MAN1C1: variants seen among roughly 807,000 people sequenced by gnomAD.
MAN1C1 encodes the protein mannosidase alpha class 1C member 1.
A neutral mutation model predicts 71.5 loss-of-function variants in MAN1C1; 49 were observed. The observed-to-expected ratio is 0.69, with a 90% CI of 0.54 to 0.87. The LOEUF is 0.87. Among genes scored for constraint, MAN1C1 ranks in the 40% least tolerant of loss-of-function variants. The pLI, the probability that MAN1C1 is intolerant of heterozygous loss-of-function variation, is 0.00. For synonymous variants in MAN1C1, 352 were observed against 343.7 expected, an observed-to-expected ratio of 1.02 and a Z score of -0.27; for missense variants, 743 against 835.0, an observed-to-expected ratio of 0.89 and a Z score of 1.36.
rs925376244 is a variant in MAN1C1, at chr1:25,689,842, G to A, written c.637+3306G>A. 9.8e-5 allele frequency among the ~76,000 whole-genome samples: 15 copies of A among 152,314 alleles called. No homozygotes were observed. In the South Asian group the frequency reaches 2.3e-3, roughly 23 times the overall value. On this transcript the variant is annotated intron_variant, in intron 2 of 11. Coordinates refer to ENST00000374332, the MANE Select transcript of MAN1C1 (RefSeq NM_020379.4). ...GGTATACGAGGAGACCCTGAGCAGC[G>A]CCCCGCCTCCTGGTGCTCGGCTTGG...
intron 1 of MAN1C1, chr1:25,646,545 G>C (rs1392520590): frequency 6.6e-6 from 1 of 152,186 alleles, no homozygotes; most frequent in African/African-American, 2.4e-5. Flanking sequence ...CCACTGCCTA[G>C]TTTCACAACT....
chr1:25,715,871 T>C (rs1183267033), intron 2 of MAN1C1, among the ~76,000 whole-genome samples: 1 of 152,222 alleles, frequency 6.6e-6, no homozygotes, highest in East Asian at 1.9e-4. Flanking sequence ...ATAGTTTATT[T>C]CTTTTTCATT....
At chr1:25,771,841 G>GC in intron 8 of MAN1C1, 69 bp downstream of exon 8, 5 of 1,296,854 alleles carry the variant, frequency 3.9e-6, no homozygotes, top group Non-Finnish European at 5.6e-6. Flanking sequence ...GGCCGAGCGA[G>GC]GGTGCTGCGG....
rs948293678 is a variant in MAN1C1, at chr1:25,771,635, C to T, written c.1142-22C>T. 10 of 1,579,242 alleles carry T rather than the reference C, an allele frequency of 6.3e-6. No individual in the cohort carries two copies. In the African/African-American group the frequency reaches 8.1e-5, roughly 13 times the overall value. On this transcript the variant is annotated intron_variant, in intron 7 of 11. Coordinates refer to ENST00000374332, the MANE Select transcript of MAN1C1 (RefSeq NM_020379.4). The stretch of plus-strand genomic sequence containing the variant: ...GCCGGCGGCAGATGGAGATAATGTT[C>T]TTGTCCTCTTTCCCTTCACAGACCA...
At position 25,651,155 on chromosome 1, in the gene MAN1C1, C is replaced by T. The variant is rs117913641; in HGVS notation, c.540+32818C>T. Among the ~76,000 whole-genome samples the T allele has an allele frequency of 3.9e-5, 6 of 152,306 alleles. No individual in the cohort carries two copies. In the East Asian group the frequency reaches 1.2e-3, roughly 29 times the overall value. Reference sequence around the variant, plus strand: ...ATCAGCAGATCCTGAGGACCCGGGACGGCTACTGCAATTCTAGAGCACCAG... The same window carrying T: ...ATCAGCAGATCCTGAGGACCCGGGATGGCTACTGCAATTCTAGAGCACCAG... On this transcript the variant is annotated intron_variant, in intron 1 of 11. Coordinates refer to ENST00000374332, the MANE Select transcript of MAN1C1 (RefSeq NM_020379.4).
At chr1:25,696,667 G>T (rs1028737249) in intron 2 of MAN1C1, among the ~76,000 whole-genome samples, 1 of 151,844 alleles carries the variant, frequency 6.6e-6, no homozygotes, top group African/African-American at 2.4e-5. Flanking sequence ...TTTAAATATA[G>T]ACAGGGTCTA....
intron 1 of MAN1C1, among the ~76,000 whole-genome samples, chr1:25,629,996 G>A (rs184559065): frequency 1.6e-3 from 248 of 152,064 alleles, no homozygotes; most frequent in African/African-American, 5.1e-3. Context: ...TTTTTCTGAT[G>A]TTATCTTTAG....
At chr1:25,663,763 A>C (rs1006905175) in intron 1 of MAN1C1, among the ~76,000 whole-genome samples, 1 of 152,128 alleles carries the variant, frequency 6.6e-6, no homozygotes, top group Non-Finnish European at 1.5e-5. Context: ...CGCGAGGGAG[A>C]GGGCCACTTG....
chr1:25,652,850 G>A (rs1182001699), intron 1 of MAN1C1, among the ~76,000 whole-genome samples: 1 of 152,190 alleles, frequency 6.6e-6, no homozygotes, highest in Admixed American at 6.5e-5. Flanking sequence ...CAACCTCCCA[G>A]GCTCAAGCGA....
intron 1 of MAN1C1, among the ~76,000 whole-genome samples, chr1:25,681,720 C>T (rs1010845197): frequency 6.6e-6 from 1 of 152,140 alleles, no homozygotes; most frequent in Admixed American, 6.5e-5. Context: ...CCAAACTGTT[C>T]TCCAAAGTGG....
chr1:25,689,794 A>G (rs2046281996), intron 2 of MAN1C1, among the ~76,000 whole-genome samples: 1 of 152,188 alleles, frequency 6.6e-6, no homozygotes, highest in Admixed American at 6.5e-5. Flanking sequence ...GGTTGTGCCC[A>G]TTCTGCTGTG....
chr1:25,628,413 T>C (rs1160277316), intron 1 of MAN1C1, among the ~76,000 whole-genome samples: 3 of 152,196 alleles, frequency 2.0e-5, no homozygotes, highest in African/African-American at 7.2e-5. Flanking sequence ...GTTCAAGCAA[T>C]TCTCCTGCCT....
At chr1:25,651,124 C>A (rs559069029) in intron 1 of MAN1C1, among the ~76,000 whole-genome samples, 11 of 152,284 alleles carry the variant, frequency 7.2e-5, no homozygotes, top group African/African-American at 2.6e-4. Flanking sequence ...AACAGGTGTT[C>A]TGGAAATCAG....
intron 9 of MAN1C1, chr1:25,780,637 G>A (rs1243888687): frequency 3.5e-6 from 1 of 285,230 alleles, no homozygotes. Flanking sequence ...GTACACAGTT[G>A]TGGAACCCCG....
chr1:25,783,809 C>G lies in MAN1C1; in HGVS notation c.*20C>G. 6.2e-7 allele frequency: 1 copy of G among 1,604,866 alleles called. No homozygotes were observed. Among genetic ancestry groups the G allele is most frequent in the South Asian group, 1.1e-5 (1 of 91,012 alleles). ...CACTGACCCCATCTCCTGCCGCCGC[C>G]CTGGGGCCGCCGCAGGGATGCCTTG... On this transcript the variant is annotated 3_prime_UTR_variant, in exon 12 of 12. Coordinates refer to ENST00000374332, the MANE Select transcript of MAN1C1 (RefSeq NM_020379.4).
intron 2 of MAN1C1, among the ~76,000 whole-genome samples, 172 bp downstream of exon 2, chr1:25,686,708 C>T (rs191707663): frequency 7.9e-4 from 121 of 152,276 alleles, no homozygotes; most frequent in Non-Finnish European, 9.8e-4. Context: ...CTTCTGAGTC[C>T]TCCTAGATTT....
At chr1:25,722,123 G>A (rs1277758109) in intron 2 of MAN1C1, among the ~76,000 whole-genome samples, 4 of 152,164 alleles carry the variant, frequency 2.6e-5, no homozygotes, top group African/African-American at 7.2e-5. Context: ...TCTAGCTTCC[G>A]ACATTCCGGA....
At position 25,780,990 on chromosome 1, in the gene MAN1C1, G is replaced by A. The variant is rs141849223; in HGVS notation, c.1528G>A (p.Val510Met). The stretch of plus-strand genomic sequence containing the variant: ...CTGGTTTAACTCCGGCAGAGAGGCC[G>A]TGGCCACCCAGCTGAGCGAGAGCTA... ...AFWFNSGREA[V>M]ATQLSESYYI... is the part of the protein sequence containing the mutation. Residue 510 changes from valine to methionine, a missense_variant, in exon 10 of 12, where the codon GTG becomes ATG. Coordinates refer to ENST00000374332, the MANE Select transcript of MAN1C1 (RefSeq NM_020379.4). The A allele has an allele frequency of 3.7e-4, 599 of 1,614,164 alleles. 8 individuals are homozygous for A. The South Asian group carries it at 4.3e-3, about 12-fold the overall frequency.
At chr1:25,762,489 G>A (rs908183455) in intron 6 of MAN1C1, among the ~76,000 whole-genome samples, 14 of 149,964 alleles carry the variant, frequency 9.3e-5, no homozygotes, top group Non-Finnish European at 1.3e-4. Context: ...GTGCAAAGGC[G>A]CCATGTCTGC....
Sources: allele counts gnomAD v4.1 joint callset (sites outside exome capture counted in the v4.1 genomes callset), GRCh38; gene constraint gnomAD v4.1.1; transcripts MANE v1.5; gene names NCBI Gene and HGNC (gene_info 2026-07-23, HGNC 2026-07-21).